PTPRD: variants seen among roughly 807,000 people sequenced by gnomAD.
PTPRD encodes the protein protein tyrosine phosphatase receptor type D, also known as receptor-type tyrosine-protein phosphatase delta.
A neutral mutation model predicts 214.5 loss-of-function variants in PTPRD; 34 were observed. The ratio of observed to expected loss-of-function variants is 0.16; its 90% CI spans 0.12 to 0.21. The LOEUF (loss-of-function observed/expected upper bound fraction) is 0.21. Ranked by LOEUF, PTPRD falls within the 10% of genes least tolerant of loss-of-function variation. PTPRD has a pLI of 1.00. For synonymous variants in PTPRD, 1,128 were observed against 845.7 expected, an observed-to-expected ratio of 1.33 and a Z score of -5.79; for missense variants, 2,545 against 2,398.7, an observed-to-expected ratio of 1.06 and a Z score of -1.27.
intron 2 of PTPRD, among the ~76,000 whole-genome samples, chr9:10,464,958 C>G (rs1275042199): frequency 6.6e-6 from 1 of 152,018 alleles, no homozygotes; most frequent in Non-Finnish European, 1.5e-5. Context: ...TCAAAGACCC[C>G]TTCAAATTCA....
At chr9:9,226,558 A>C (rs1005260865) in intron 9 of PTPRD, among the ~76,000 whole-genome samples, 1 of 152,006 alleles carries the variant, frequency 6.6e-6, no homozygotes, top group African/African-American at 2.4e-5. Context: ...GGTTAAAAAT[A>C]TAAAAATGTG....
intron 13 of PTPRD, among the ~76,000 whole-genome samples, chr9:8,635,719 T>G (rs2096409127): frequency 6.6e-6 from 1 of 151,984 alleles, no homozygotes; most frequent in Non-Finnish European, 1.5e-5. Flanking sequence ...GATTAGAAAC[T>G]CAGGTAAAAG....
At chr9:8,992,762 T>A (rs1328337366) in intron 11 of PTPRD, among the ~76,000 whole-genome samples, 1 of 152,160 alleles carries the variant, frequency 6.6e-6, no homozygotes, top group Non-Finnish European at 1.5e-5. Context: ...GAGGATTTTG[T>A]TAGCTGGTTC....
intron 7 of PTPRD, among the ~76,000 whole-genome samples, chr9:9,705,388 G>A (rs1366088605): frequency 6.6e-5 from 10 of 152,104 alleles, no homozygotes; most frequent in Non-Finnish European, 8.8e-5. Context: ...TTTGAAATAT[G>A]ATTATGTTGA....
chr9:8,906,273 G>GT (rs577387673), intron 11 of PTPRD, among the ~76,000 whole-genome samples: 2 of 152,092 alleles, frequency 1.3e-5, no homozygotes, highest in African/African-American at 2.4e-5. Context: ...GCTAAGCACT[G>GT]TTTTTTTAAG....
chr9:8,550,891 A>G (rs1278848082), intron 14 of PTPRD, among the ~76,000 whole-genome samples: 1 of 152,202 alleles, frequency 6.6e-6, no homozygotes, highest in African/African-American at 2.4e-5. Context: ...CTGGGTATGA[A>G]AAGAATATTC....
At chr9:8,453,901 C>G (rs186462279) in intron 33 of PTPRD, among the ~76,000 whole-genome samples, 105 of 152,202 alleles carry the variant, frequency 6.9e-4, no homozygotes, top group African/African-American at 2.5e-3. Flanking sequence ...GGTAGGTGAT[C>G]TTCAAGATGT....
intron 3 of PTPRD, among the ~76,000 whole-genome samples, chr9:10,296,542 A>T (rs930729252): frequency 2.0e-5 from 3 of 152,036 alleles, no homozygotes; most frequent in Non-Finnish European, 2.9e-5. Context: ...TGGAGTTGAG[A>T]CTGATCTCCC....
chr9:8,508,011 A>C lies in PTPRD; in HGVS notation c.1544-577T>G, dbSNP rs78257448. ...AAGAAAGGAAAAACAAAACAAAACA[A>C]AACTCTATCACTTACAAATAATGAC... On this transcript the variant is annotated intron_variant, in intron 21 of 45. Transcript: ENST00000381196. Among the ~76,000 whole-genome samples, 292 of 152,286 alleles carry C rather than the reference A, an allele frequency of 1.9e-3. 2 individuals are homozygous for C. The highest frequency in any genetic ancestry group is 6.5e-3 in the African/African-American group (269 of 41,560).
At chr9:9,570,481 T>C (rs749945003) in intron 8 of PTPRD, among the ~76,000 whole-genome samples, 12 of 151,578 alleles carry the variant, frequency 7.9e-5, no homozygotes, top group Non-Finnish European at 1.6e-4. Context: ...CCTTTAACTA[T>C]CACTTACATT....
intron 9 of PTPRD, among the ~76,000 whole-genome samples, chr9:9,214,916 C>G (rs2099951162): frequency 6.6e-6 from 1 of 152,138 alleles, no homozygotes. Context: ...CGAGATAACA[C>G]AGTTGTACAA....
chr9:9,333,928 C>T (rs1218632509), intron 9 of PTPRD, among the ~76,000 whole-genome samples: 1 of 151,896 alleles, frequency 6.6e-6, no homozygotes, highest in Non-Finnish European at 1.5e-5. Flanking sequence ...TAGAATATTT[C>T]ATAGTCTCTT....
chr9:10,204,808 C>A (rs954584555), intron 3 of PTPRD, among the ~76,000 whole-genome samples: 2 of 152,204 alleles, frequency 1.3e-5, no homozygotes, highest in Non-Finnish European at 2.9e-5. Context: ...TAGAAGCAAT[C>A]TCTAGTTGTC....
intron 8 of PTPRD, among the ~76,000 whole-genome samples, chr9:9,404,518 G>A (rs2072438107): frequency 6.6e-6 from 1 of 152,008 alleles, no homozygotes; most frequent in Non-Finnish European, 1.5e-5. Context: ...GGATATTAGT[G>A]GTATTTACTG....
intron 11 of PTPRD, among the ~76,000 whole-genome samples, chr9:8,970,792 A>G (rs1003422813): frequency 4.0e-5 from 6 of 151,824 alleles, no homozygotes; most frequent in Non-Finnish European, 2.9e-5. Flanking sequence ...AGGACAAAAT[A>G]AAACCAAAAC....
chr9:9,188,606 AC>A (rs2099933148), intron 9 of PTPRD, among the ~76,000 whole-genome samples: 1 of 152,014 alleles, frequency 6.6e-6, no homozygotes, highest in Non-Finnish European at 1.5e-5. Context: ...AAAAGGGAAG[AC>A]CCCTGACCTA....
At chr9:9,986,983 C>A (rs2095737099) in intron 4 of PTPRD, among the ~76,000 whole-genome samples, 1 of 151,824 alleles carries the variant, frequency 6.6e-6, no homozygotes, top group South Asian at 2.1e-4. Flanking sequence ...TAACTTTTAG[C>A]TGAATTCAGT....
At chr9:8,781,036 T>C (rs1014296996) in intron 11 of PTPRD, among the ~76,000 whole-genome samples, 1 of 152,156 alleles carries the variant, frequency 6.6e-6, no homozygotes, top group Non-Finnish European at 1.5e-5. Context: ...TAACTGTACT[T>C]ACAAGTACAA....
chr9:10,311,474 T>C (rs2096265280), intron 3 of PTPRD, among the ~76,000 whole-genome samples: 1 of 152,182 alleles, frequency 6.6e-6, no homozygotes, highest in East Asian at 1.9e-4. Flanking sequence ...ATTTTGAAAT[T>C]CAGTTCTCTC....
Sources: allele counts gnomAD v4.1 joint callset (sites outside exome capture counted in the v4.1 genomes callset), GRCh38; gene constraint gnomAD v4.1.1; transcripts MANE v1.5; gene names NCBI Gene and HGNC (gene_info 2026-07-23, HGNC 2026-07-21).